The following IL1RAPL2 variants were observed in gnomAD, a reference collection of about 807,000 sequenced individuals.
IL1RAPL2 encodes the protein interleukin 1 receptor accessory protein like 2.
In IL1RAPL2, 3 loss-of-function variants were observed where a neutral mutation model predicts 44.1. The observed-to-expected ratio is 0.07, with a 90% CI of 0.03 to 0.18. IL1RAPL2 has a LOEUF of 0.18. IL1RAPL2 is among the 10% of genes least tolerant of loss of function. The probability of loss-of-function intolerance (pLI) is 1.00; values close to 1 mark genes in which losing one functional copy is unlikely to be tolerated. For synonymous variants in IL1RAPL2, 181 were observed against 178.8 expected, an observed-to-expected ratio of 1.01 and a Z score of -0.10; for missense variants, 391 against 496.4, an observed-to-expected ratio of 0.79 and a Z score of 2.02.
chrX:104,751,567 ACT>A (rs1174430832), intron 2 of IL1RAPL2, among the ~76,000 whole-genome samples: 2 of 110,919 alleles, frequency 1.8e-5, no homozygotes, highest in Admixed American at 9.6e-5. Context: ...CTGTTCTATG[ACT>A]CTAACTCCAG....
At chrX:105,435,655 A>G (rs1243061347) in intron 5 of IL1RAPL2, among the ~76,000 whole-genome samples, 2 of 112,071 alleles carry the variant, frequency 1.8e-5, no homozygotes, top group Non-Finnish European at 3.8e-5. Context: ...ATGTCCATCA[A>G]TGATAGACTG....
chrX:104,589,935 G>A (rs1274201429), intron 1 of IL1RAPL2, among the ~76,000 whole-genome samples: 2 of 112,101 alleles, frequency 1.8e-5, no homozygotes, highest in Non-Finnish European at 3.8e-5. Context: ...AAGGCAGGAG[G>A]CTTTAGTTGA....
At chrX:105,686,380 C>CAAAAAAA (rs1177667576) in intron 6 of IL1RAPL2, among the ~76,000 whole-genome samples, 10 of 25,161 alleles carry the variant, frequency 4.0e-4, no homozygotes, top group Admixed American at 7.1e-4. Flanking sequence ...AAATGGAAAG[C>CAAAAAAA]AAAAAAAAAA....
At chrX:105,465,584 A>G (rs2036122692) in intron 5 of IL1RAPL2, among the ~76,000 whole-genome samples, 1 of 112,085 alleles carries the variant, frequency 8.9e-6, no homozygotes, top group African/African-American at 3.2e-5. Context: ...TCAACTTTGT[A>G]TAGAAACAGA....
intron 5 of IL1RAPL2, among the ~76,000 whole-genome samples, chrX:105,290,424 C>T (rs2034603999): frequency 9.0e-6 from 1 of 111,196 alleles, no homozygotes; most frequent in South Asian, 3.8e-4. Context: ...GATGACTGGA[C>T]AGGGATTTCA....
intron 6 of IL1RAPL2, among the ~76,000 whole-genome samples, chrX:105,715,166 C>T (rs1434220498): frequency 8.9e-6 from 1 of 111,756 alleles, no homozygotes; most frequent in Non-Finnish European, 1.9e-5. Flanking sequence ...AAAGGTGAAG[C>T]TACAAAGTTA....
rs185052289 is a variant in IL1RAPL2, at chrX:105,422,434, A to T, written c.698-61879A>T. 1.8e-3 allele frequency among the ~76,000 whole-genome samples: 205 copies of T among 112,240 alleles called. 1 individual carries two copies. Among genetic ancestry groups the T allele is most frequent in the African/African-American group, 6.3e-3 (194 of 30,918 alleles). On this transcript the variant is annotated intron_variant, in intron 5 of 10. Transcript: ENST00000372582. ...TTGATTCCTTAAAGGAAAGCACACC[A>T]TTCCAGTCAAAGCCTTAGTAAAATA...
At chrX:105,670,235 T>C (rs1374014854) in intron 6 of IL1RAPL2, among the ~76,000 whole-genome samples, 2 of 97,430 alleles carry the variant, frequency 2.1e-5, no homozygotes, top group Non-Finnish European at 4.1e-5. Context: ...TTTTTTTTTT[T>C]TGCAATACTG....
chrX:105,287,537 G>A (rs1388612749), intron 5 of IL1RAPL2, among the ~76,000 whole-genome samples: 2 of 111,804 alleles, frequency 1.8e-5, no homozygotes, highest in African/African-American at 6.5e-5. Context: ...TCATCAAATA[G>A]TTTCAGTGTG....
intron 2 of IL1RAPL2, among the ~76,000 whole-genome samples, chrX:104,892,861 T>C (rs1923506050): frequency 8.9e-6 from 1 of 112,064 alleles, no homozygotes; most frequent in African/African-American, 3.2e-5. Flanking sequence ...CTCTTGCTTC[T>C]CTAGTTCTCT....
chrX:105,593,074 G>A (rs994135918), intron 6 of IL1RAPL2, among the ~76,000 whole-genome samples: 1 of 111,748 alleles, frequency 8.9e-6, no homozygotes, highest in Non-Finnish European at 1.9e-5. Context: ...CCAACAATTC[G>A]TAGATTTGGC....
chrX:105,361,002 A>T (rs1180260733), intron 5 of IL1RAPL2, among the ~76,000 whole-genome samples: 2 of 111,424 alleles, frequency 1.8e-5, no homozygotes, highest in Non-Finnish European at 3.8e-5. Context: ...AAGCAGTGGA[A>T]TAGCCTTCTA....
intron 5 of IL1RAPL2, among the ~76,000 whole-genome samples, chrX:105,439,466 T>G (rs1317509351): frequency 2.2e-5 from 2 of 89,499 alleles, no homozygotes; most frequent in Non-Finnish European, 4.1e-5. Context: ...CTATATTGGC[T>G]CAATCAGAAG....
At chrX:105,640,753 GA>G (rs2037562681) in intron 6 of IL1RAPL2, among the ~76,000 whole-genome samples, 1 of 27,540 alleles carries the variant, frequency 3.6e-5, no homozygotes, top group South Asian at 1.5e-3. Flanking sequence ...GATAGATATA[GA>G]TATAGATATA....
chrX:105,439,678 A>T (rs1175146038), intron 5 of IL1RAPL2, among the ~76,000 whole-genome samples: 1 of 111,627 alleles, frequency 9.0e-6, no homozygotes, highest in Non-Finnish European at 1.9e-5. Context: ...AGAAAAACAC[A>T]TTGCACTGCA....
At chrX:104,885,702 C>T (rs1394916189) in intron 2 of IL1RAPL2, among the ~76,000 whole-genome samples, 3 of 111,952 alleles carry the variant, frequency 2.7e-5, no homozygotes, top group Non-Finnish European at 5.6e-5. Flanking sequence ...TAGTCATGGC[C>T]CTCAGACAAA....
At chrX:104,833,931 TGTTGGTTG>T (rs369950553) in intron 2 of IL1RAPL2, among the ~76,000 whole-genome samples, 1 of 112,154 alleles carries the variant, frequency 8.9e-6, no homozygotes, top group Non-Finnish European at 1.9e-5. Flanking sequence ...CATTATGTTT[TGTTGGTTG>T]GTTGGTTGGT....
At chrX:105,420,455 A>G (rs913861637) in intron 5 of IL1RAPL2, among the ~76,000 whole-genome samples, 6 of 111,890 alleles carry the variant, frequency 5.4e-5, no homozygotes, top group African/African-American at 1.6e-4. Context: ...ACTTCTCCCC[A>G]ATATTGTGTG....
intron 6 of IL1RAPL2, among the ~76,000 whole-genome samples, chrX:105,649,844 G>A (rs746306271): frequency 3.6e-5 from 4 of 111,683 alleles, no homozygotes; most frequent in East Asian, 5.7e-4. Flanking sequence ...GAAATATACC[G>A]CACTTAGGGG....
Sources: gnomAD v4.1 joint callset for allele counts (sites outside exome capture counted in the v4.1 genomes callset) on GRCh38, gnomAD v4.1.1 for gene constraint, MANE v1.5 for transcripts, NCBI Gene and HGNC (gene_info 2026-07-23, HGNC 2026-07-21) for gene names.